Variants in TXNDC16 observed in about 807,000 individuals in gnomAD.
TXNDC16 encodes thioredoxin domain containing 16.
A neutral mutation model predicts 85.6 loss-of-function variants in TXNDC16; 74 were observed. The observed-to-expected ratio is 0.86, with a 90% CI of 0.72 to 1.05. The LOEUF (loss-of-function observed/expected upper bound fraction) is 1.05. TXNDC16 is among the 50% of genes least tolerant of loss of function. The pLI is 0.00. For synonymous variants in TXNDC16, 335 were observed against 326.5 expected (o/e 1.03, Z -0.28); for missense variants, 959 against 947.0 (o/e 1.01, Z -0.17).
intron 16 of TXNDC16, among the ~76,000 whole-genome samples, chr14:52,464,125 A>AG (rs2035717119): frequency 6.6e-6 from 1 of 152,236 alleles, no homozygotes; most frequent in Admixed American, 6.5e-5. Flanking sequence ...AATATGATCA[A>AG]GTACACCATT....
chr14:52,454,358 G>A (rs1396845784), intron 18 of TXNDC16, among the ~76,000 whole-genome samples: 21 of 151,666 alleles, frequency 1.4e-4, no homozygotes, highest in African/African-American at 3.9e-4. Context: ...ACCGGCAGGC[G>A]GAGGTTGCAG....
intron 1 of TXNDC16, 99 bp downstream of exon 1, chr14:52,552,217 A>T (rs2038070426): frequency 6.6e-6 from 1 of 152,316 alleles, no homozygotes; most frequent in African/African-American, 2.4e-5. Context: ...CAGACTCCGG[A>T]GCTGTGCAGT....
intron 9 of TXNDC16, among the ~76,000 whole-genome samples, chr14:52,510,703 T>C (rs192869741): frequency 6.6e-6 from 1 of 152,378 alleles, no homozygotes; most frequent in African/African-American, 2.4e-5. Flanking sequence ...AGATTTTACA[T>C]GTGCTCAACA....
intron 18 of TXNDC16, among the ~76,000 whole-genome samples, chr14:52,440,944 C>T (rs904728021): frequency 6.6e-6 from 1 of 152,102 alleles, no homozygotes; most frequent in African/African-American, 2.4e-5. Context: ...TAAAACTACA[C>T]AGAATTTGAG....
At chr14:52,463,089 C>T (rs537698115) in intron 16 of TXNDC16, 1 of 422,704 alleles carries the variant, frequency 2.4e-6, no homozygotes, top group East Asian at 7.1e-5. Context: ...CTGTCTGATT[C>T]AGACATCTGA....
chr14:52,549,538 G>A (rs566219132), intron 1 of TXNDC16, among the ~76,000 whole-genome samples: 22 of 152,234 alleles, frequency 1.4e-4, no homozygotes, highest in African/African-American at 5.3e-4. Context: ...TGTTCCTTAG[G>A]CAGGTAGAAC....
chr14:52,462,980 C>T, intron 16 of TXNDC16: 1 of 455,504 alleles, frequency 2.2e-6, no homozygotes, highest in South Asian at 1.6e-5. Flanking sequence ...CCTATGAGTG[C>T]AAGAAAAAGA....
chr14:52,505,572 A>T (rs919111861), intron 9 of TXNDC16, among the ~76,000 whole-genome samples: 1 of 152,252 alleles, frequency 6.6e-6, no homozygotes, highest in African/African-American at 2.4e-5. Flanking sequence ...AGCAGTGTGT[A>T]GAGGGAAATT....
At chr14:52,512,779 G>A (rs773125916) in intron 8 of TXNDC16, among the ~76,000 whole-genome samples, 3 of 152,172 alleles carry the variant, frequency 2.0e-5, no homozygotes, top group Non-Finnish European at 2.9e-5. Context: ...AACAGCAAGC[G>A]TTCAGGGAAC....
intron 6 of TXNDC16, among the ~76,000 whole-genome samples, chr14:52,525,302 G>A (rs1039244718): frequency 3.3e-5 from 5 of 151,886 alleles, no homozygotes; most frequent in South Asian, 2.1e-4. Flanking sequence ...TTATTTTCAC[G>A]TGTTATTTTG....
intron 9 of TXNDC16, among the ~76,000 whole-genome samples, chr14:52,498,976 A>G (rs1222960885): frequency 6.6e-6 from 1 of 152,202 alleles, no homozygotes; most frequent in Non-Finnish European, 1.5e-5. Context: ...AAACAGACAC[A>G]TAGACCAATG....
At chr14:52,459,091 C>T (rs960958427) in intron 16 of TXNDC16, among the ~76,000 whole-genome samples, 3 of 152,092 alleles carry the variant, frequency 2.0e-5, no homozygotes, top group African/African-American at 7.2e-5. Flanking sequence ...AAAATATGCA[C>T]AAAAAGCTTT....
intron 14 of TXNDC16, among the ~76,000 whole-genome samples, chr14:52,477,726 G>C (rs1186129747): frequency 6.6e-6 from 1 of 152,060 alleles, no homozygotes; most frequent in Admixed American, 6.5e-5. Flanking sequence ...CATCATAATA[G>C]TGGGAGACTT....
Position 52,510,617 on chromosome 14 carries a change from T to C in TXNDC16, c.756+623A>G, listed in dbSNP as rs114975259. Among the ~76,000 whole-genome samples the C allele has an allele frequency of 4.2e-3, 637 of 152,340 alleles. 3 individuals are homozygous for C. The highest frequency in any genetic ancestry group is 0.014 in the African/African-American group (568 of 41,586). On this transcript the variant is annotated intron_variant, in intron 9 of 20. Coordinates refer to ENST00000281741, the MANE Select transcript of TXNDC16 (RefSeq NM_020784.3). The stretch of plus-strand genomic sequence containing the variant: ...ACTTTTCCTTCATACTTGGCTGCAA[T>C]GTTTGGATTACTTATAATACACATG...
chr14:52,514,593 A>T (rs536726761), intron 8 of TXNDC16, among the ~76,000 whole-genome samples: 1 of 152,286 alleles, frequency 6.6e-6, no homozygotes, highest in East Asian at 1.9e-4. Context: ...TGATCACCGC[A>T]GGAGAACCAT....
At chr14:52,541,207 G>A (rs947928650) in intron 4 of TXNDC16, among the ~76,000 whole-genome samples, 1 of 150,978 alleles carries the variant, frequency 6.6e-6, no homozygotes, top group Non-Finnish European at 1.5e-5. Context: ...TTGCACTCCA[G>A]CCTGGGCGAC....
intron 16 of TXNDC16, among the ~76,000 whole-genome samples, chr14:52,467,248 C>G (rs964090499): frequency 6.6e-6 from 1 of 151,746 alleles, no homozygotes; most frequent in Admixed American, 6.6e-5. Context: ...ATCCCATGCA[C>G]TAAAATATCT....
intron 17 of TXNDC16, among the ~76,000 whole-genome samples, chr14:52,456,441 A>G (rs2035536663): frequency 6.6e-6 from 1 of 152,224 alleles, no homozygotes; most frequent in African/African-American, 2.4e-5. Context: ...CACCAAGAGC[A>G]TATGTCACCA....
chr14:52,492,768 G>A (rs1334772463), intron 9 of TXNDC16, among the ~76,000 whole-genome samples: 1 of 152,080 alleles, frequency 6.6e-6, no homozygotes, highest in African/African-American at 2.4e-5. Flanking sequence ...AATGTCAAGG[G>A]CAGCTTACAA....
Sources: gnomAD v4.1 joint callset for allele counts (sites outside exome capture counted in the v4.1 genomes callset) on GRCh38, gnomAD v4.1.1 for gene constraint, MANE v1.5 for transcripts, NCBI Gene and HGNC (gene_info 2026-07-23, HGNC 2026-07-21) for gene names.